Variants in ANKRD36B observed in about 807,000 individuals in gnomAD.
ANKRD36B encodes ankyrin repeat domain 36B, also known as ankyrin repeat domain-containing protein 36B.
In ANKRD36B, 37 loss-of-function variants were observed where a neutral mutation model predicts 135.7. The ratio of observed to expected loss-of-function variants is 0.27; its 90% CI spans 0.21 to 0.36. The LOEUF (loss-of-function observed/expected upper bound fraction) is 0.36, where lower values mean the gene tolerates loss of function less well. ANKRD36B is among the 10% of genes least tolerant of loss of function. The pLI is 1.00. For missense variants in ANKRD36B, 549 were observed against 1,037.1 expected, an observed-to-expected ratio of 0.53 and a Z score of 6.46; for synonymous variants, 179 against 348.1, an observed-to-expected ratio of 0.51 and a Z score of 5.41.
intron 35 of ANKRD36B, among the ~76,000 whole-genome samples, chr2:97,525,848 G>A (rs1017335372): frequency 1.0e-5 from 1 of 98,074 alleles, no homozygotes; most frequent in Non-Finnish European, 2.7e-5. Context: ...GTGAGGCTGG[G>A]GGAGGGGCGC....
chr2:97,527,126 A>T (rs1431658883), intron 35 of ANKRD36B, among the ~76,000 whole-genome samples: 1 of 95,850 alleles, frequency 1.0e-5, no homozygotes, highest in Admixed American at 9.3e-5. Context: ...GTTGAAATGA[A>T]GGAAAAAATG....
intron 24 of ANKRD36B, 25 bp downstream of exon 24, chr2:97,545,641 A>C (rs3863007): frequency 0.16 from 151,705 of 929,182 alleles, 53,504 homozygotes; most frequent in Middle Eastern, 0.26. Flanking sequence ...AACGAACATC[A>C]TATTAAATGT....
In ANKRD36B at chr2:97,588,590, C is replaced by A. The variant is rs1159435421; in HGVS notation, c.161+935G>T. Among the ~76,000 whole-genome samples, 4 of 151,520 alleles carry A rather than the reference C, an allele frequency of 2.6e-5. No individual in the cohort carries two copies. The South Asian group carries it at 6.3e-4, about 24-fold the overall frequency. On this transcript the variant is annotated intron_variant, in intron 1 of 43. Transcript: ENST00000359901. Reference sequence around the variant, plus strand: ...ATAGTAAAAGACAGCATGAGTAATTCAAAAATGTTAACACTTTGATAACTT... The same window carrying A: ...ATAGTAAAAGACAGCATGAGTAATTAAAAAATGTTAACACTTTGATAACTT...
chr2:97,575,885 T>G (rs2082198960), intron 6 of ANKRD36B, among the ~76,000 whole-genome samples: 1 of 152,158 alleles, frequency 6.6e-6, no homozygotes, highest in South Asian at 2.1e-4. Flanking sequence ...GCTTACTTTC[T>G]TGTACTCAGA....
chr2:97,573,411 A>C (rs1303150900), intron 6 of ANKRD36B, among the ~76,000 whole-genome samples: 1 of 152,190 alleles, frequency 6.6e-6, no homozygotes, highest in African/African-American at 2.4e-5. Context: ...ATGGAAGAAC[A>C]TTCCATGCTC....
chr2:97,576,902 G>A (rs977750061), intron 5 of ANKRD36B, among the ~76,000 whole-genome samples: 1 of 152,002 alleles, frequency 6.6e-6, no homozygotes, highest in African/African-American at 2.4e-5. Flanking sequence ...CTTTATCGCT[G>A]AAACTATTTT....
chr2:97,569,571 T>A (rs1839229), intron 6 of ANKRD36B, among the ~76,000 whole-genome samples: 3 of 151,468 alleles, frequency 2.0e-5, no homozygotes, highest in Admixed American at 6.6e-5. Flanking sequence ...TTATGATGCA[T>A]CAATGTAAGC....
At position 97,536,958 on chromosome 2, in the gene ANKRD36B, A is replaced by G. The variant is rs1238876668; in HGVS notation, c.2090-462T>C. On this transcript the variant is annotated intron_variant, in intron 32 of 43. Transcript: ENST00000359901. ...ATAACTGAGAAGGTACACAATTACA[A>G]TGACACTTCAGTTGAACGTACACTT... Among the ~76,000 whole-genome samples, 3 of 96,966 alleles carry G rather than the reference A, an allele frequency of 3.1e-5. 1 individual carries two copies. The highest frequency in any genetic ancestry group is 8.2e-5 in the Non-Finnish European group (3 of 36,414). 63.6% of individuals were successfully genotyped at this position (96,966 alleles called of 152,430 possible). A position where few individuals can be genotyped will look rare whatever the true frequency, so the allele number is the denominator to read the frequency against.
At chr2:97,553,403 TA>T (rs747799845) in intron 14 of ANKRD36B, 32 bp from the exon 15 acceptor site, 2 of 1,596,518 alleles carry the variant, frequency 1.3e-6, no homozygotes, top group African/African-American at 2.7e-5. Context: ...TAATCACTCA[TA>T]TGTAAATATG....
chr2:97,581,123 G>A (rs2082606694), intron 3 of ANKRD36B, among the ~76,000 whole-genome samples: 1 of 139,814 alleles, frequency 7.2e-6, no homozygotes, highest in Non-Finnish European at 1.5e-5. Flanking sequence ...TGTGCATTAT[G>A]TGTCTAGTAT....
intron 6 of ANKRD36B, among the ~76,000 whole-genome samples, chr2:97,570,616 T>C (rs1469230415): frequency 6.6e-6 from 1 of 152,182 alleles, no homozygotes; most frequent in Non-Finnish European, 1.5e-5. Flanking sequence ...GTAGACAATA[T>C]TGCCCATGTG....
intron 32 of ANKRD36B, 113 bp downstream of exon 32, chr2:97,538,055 C>A (rs1231041462): frequency 3.7e-6 from 2 of 536,034 alleles, no homozygotes; most frequent in African/African-American, 4.3e-5. Context: ...CAATCTCAGG[C>A]CTGCTGAATC....
At chr2:97,549,768 A>C (rs1362629411) in intron 18 of ANKRD36B, among the ~76,000 whole-genome samples, 154 bp from the exon 19 acceptor site, 1 of 151,980 alleles carries the variant, frequency 6.6e-6, no homozygotes, top group Non-Finnish European at 1.5e-5. Context: ...AGAACGTGAC[A>C]GAAATGCACT....
rs2078047348 is a variant in ANKRD36B, at chr2:97,523,627, T to G, written c.2266-160A>C. ...CAATTTCCTTTATGTTGACTCTAGT[T>G]CAGAAGACCACATGGTCTATGGATA... is the stretch of plus-strand genomic sequence containing the variant. On this transcript the variant is annotated intron_variant, in intron 35 of 43. Coordinates refer to ENST00000359901, the MANE Select transcript of ANKRD36B (RefSeq NM_001393939.1). Among the ~76,000 whole-genome samples the G allele has an allele frequency of 2.2e-5, 2 of 90,066 alleles. 1 individual carries two copies. The highest frequency in any genetic ancestry group is 5.9e-5 in the Non-Finnish European group (2 of 34,120). The allele number at this position is 90,066 out of a possible 152,430, so 59.1% of individuals were successfully genotyped here.
At chr2:97,561,877 G>A (rs997312659) in intron 6 of ANKRD36B, among the ~76,000 whole-genome samples, 1 of 151,988 alleles carries the variant, frequency 6.6e-6, no homozygotes, top group African/African-American at 2.4e-5. Flanking sequence ...TGGTAACAAA[G>A]AGGAGCAATG....
At chr2:97,556,780 G>A (rs2080568384) in intron 12 of ANKRD36B, among the ~76,000 whole-genome samples, 157 bp downstream of exon 12, 1 of 151,882 alleles carries the variant, frequency 6.6e-6, no homozygotes. Flanking sequence ...AGGACCAGCA[G>A]CATCAGCACC....
At position 97,585,100 on chromosome 2, in the gene ANKRD36B, C is replaced by T. The variant is rs749473243; in HGVS notation, c.294G>A (p.Gln98=). 4 of 1,613,234 alleles carry T rather than the reference C, an allele frequency of 2.5e-6. No homozygotes were observed. The highest frequency in any genetic ancestry group is 1.7e-5 in the Admixed American group (1 of 59,914). Residue 98 remains glutamine (Q), a synonymous_variant, in exon 3 of 44, where the codon CAG becomes CAA. Transcript: ENST00000359901. ...TPLIKAVQLR[Q]EACATLLLQN... ...GCAGCAGAAGAGTTGCACAAGCCTC[C>T]TGCCTCAGTTGTACAGCCTGTCAGT...
intron 6 of ANKRD36B, among the ~76,000 whole-genome samples, chr2:97,571,603 G>T (rs2081880063): frequency 1.3e-5 from 2 of 149,184 alleles, no homozygotes; most frequent in African/African-American, 5.0e-5. Flanking sequence ...CCGAGATTGC[G>T]CCACTGCACT....
intron 1 of ANKRD36B, among the ~76,000 whole-genome samples, chr2:97,587,634 T>C (rs2083111313): frequency 6.6e-6 from 1 of 152,204 alleles, no homozygotes; most frequent in African/African-American, 2.4e-5. Flanking sequence ...ACAAATTGCA[T>C]GTATCTCTAT....
Sources: gnomAD v4.1 joint callset for allele counts (sites outside exome capture counted in the v4.1 genomes callset) on GRCh38, gnomAD v4.1.1 for gene constraint, MANE v1.5 for transcripts, NCBI Gene and HGNC (gene_info 2026-07-23, HGNC 2026-07-21) for gene names.